Variants in ZNF704 observed in about 807,000 individuals in gnomAD.
The protein encoded by ZNF704 is glucocorticoid induced gene 1.
ZNF704 carries 10 observed loss-of-function variants against 44.7 expected under a neutral mutation model. The ratio of observed to expected loss-of-function variants is 0.22; its 90% CI spans 0.14 to 0.38. ZNF704 has a LOEUF of 0.38. Ranked by LOEUF, ZNF704 falls within the 10% of genes least tolerant of loss-of-function variation. The pLI is 1.00. For missense variants in ZNF704, 390 were observed against 545.5 expected, an observed-to-expected ratio of 0.71 and a Z score of 2.84; for synonymous variants, 211 against 207.6, an observed-to-expected ratio of 1.02 and a Z score of -0.14.
chr8:80,881,922 T>C, the ZNF704 span, among the ~76,000 whole-genome samples: 1 of 152,134 alleles, frequency 6.6e-6, no homozygotes. Flanking sequence ...ACCGAGACTC[T>C]GTCTCAAAAA....
chr8:80,754,445 T>C (rs1466723239), intron 2 of ZNF704, among the ~76,000 whole-genome samples: 1 of 152,198 alleles, frequency 6.6e-6, no homozygotes, highest in African/African-American at 2.4e-5. Flanking sequence ...TAAATTTCTT[T>C]TGAAAACCCT....
intron 1 of ZNF704, among the ~76,000 whole-genome samples, chr8:80,830,669 C>T (rs944565805): frequency 7.6e-5 from 11 of 145,246 alleles, no homozygotes; most frequent in East Asian, 2.0e-4. Flanking sequence ...GAAGGATGGA[C>T]GGAAGGAAGG....
intron 2 of ZNF704, among the ~76,000 whole-genome samples, chr8:80,714,341 T>C (rs182480959): frequency 1.7e-4 from 26 of 152,312 alleles, no homozygotes; most frequent in Admixed American, 1.7e-3. Context: ...AATGAAAAAT[T>C]CTGCACTATT....
At chr8:80,707,386 G>C (rs1006492532) in intron 2 of ZNF704, among the ~76,000 whole-genome samples, 1 of 151,864 alleles carries the variant, frequency 6.6e-6, no homozygotes. Flanking sequence ...CATAATATAT[G>C]GATTATAGGC....
At chr8:80,831,878 T>C (rs760213147) in intron 1 of ZNF704, among the ~76,000 whole-genome samples, 1 of 152,174 alleles carries the variant, frequency 6.6e-6, no homozygotes, top group Non-Finnish European at 1.5e-5. Flanking sequence ...TTCCCCCACA[T>C]TAGGATTGAT....
At chr8:80,873,406 G>C (rs571119483) in intron 1 of ZNF704, 72 of 152,540 alleles carry the variant, frequency 4.7e-4, no homozygotes, top group African/African-American at 1.7e-3. Flanking sequence ...CGCCCGCGCC[G>C]CCTGACACAC....
At chr8:80,759,054 A>T (rs1160829340) in intron 2 of ZNF704, among the ~76,000 whole-genome samples, 1 of 152,200 alleles carries the variant, frequency 6.6e-6, no homozygotes, top group Non-Finnish European at 1.5e-5. Flanking sequence ...TTCCCATCAC[A>T]TAGAAACACT....
chr8:80,812,448 G>C (rs1240461287), intron 2 of ZNF704: 1 of 153,324 alleles, frequency 6.5e-6, no homozygotes, highest in African/African-American at 2.4e-5. Context: ...GGTCGAAAGA[G>C]GTCTCCTGGG....
intron 1 of ZNF704, chr8:80,873,481 C>A (rs542039245): frequency 6.6e-6 from 1 of 151,904 alleles, no homozygotes; most frequent in South Asian, 2.1e-4. Context: ...TGCCCCGGGG[C>A]CCGGGCCCGT....
At chr8:80,649,860 G>T (rs548336096) in intron 7 of ZNF704, among the ~76,000 whole-genome samples, 1 of 152,348 alleles carries the variant, frequency 6.6e-6, no homozygotes, top group Admixed American at 6.5e-5. Context: ...CGGACAGACT[G>T]CCTCCTCAAG....
At chr8:80,862,658 G>A in intron 1 of ZNF704, among the ~76,000 whole-genome samples, 1 of 150,408 alleles carries the variant, frequency 6.6e-6, no homozygotes, top group East Asian at 1.9e-4. Context: ...CCAGCTACTT[G>A]GGAGGCTGAG....
intron 2 of ZNF704, among the ~76,000 whole-genome samples, chr8:80,700,332 C>A (rs1305254592): frequency 6.6e-6 from 1 of 152,188 alleles, no homozygotes; most frequent in Non-Finnish European, 1.5e-5. Flanking sequence ...TGACAGACTG[C>A]AGTTTAATCC....
chr8:80,724,146 A>C lies in ZNF704; in HGVS notation c.222-31039T>G, dbSNP rs192428030. 1.5e-3 allele frequency among the ~76,000 whole-genome samples: 227 copies of C among 152,250 alleles called. 1 individual carries two copies. Among genetic ancestry groups the C allele is most frequent in the African/African-American group, 5.3e-3 (219 of 41,540 alleles). Reference sequence around the variant, plus strand: ...ATCTGGTGATGCTGGGACTTTTGTGATATTTTTTCTTCTATGCAATTCAAA... The same window carrying C: ...ATCTGGTGATGCTGGGACTTTTGTGCTATTTTTTCTTCTATGCAATTCAAA... On this transcript the variant is annotated intron_variant, in intron 2 of 8. Coordinates refer to ENST00000327835, the MANE Select transcript of ZNF704 (RefSeq NM_001033723.3).
intron 1 of ZNF704, among the ~76,000 whole-genome samples, chr8:80,854,586 C>T (rs1159397384): frequency 6.6e-6 from 1 of 152,104 alleles, no homozygotes; most frequent in Non-Finnish European, 1.5e-5. Context: ...TTTATATAAA[C>T]TAAAATCAGA....
chr8:80,631,881 AAG>A lies in ZNF704; in HGVS notation c.*9483_*9484del. ...TATTTATCCCCTTGCACCTTAATTT[AAG>A]AGAGAGAAAGCAGTAGCACAGAAAC... On this transcript the variant is annotated 3_prime_UTR_variant, in exon 9 of 9. Transcript: ENST00000327835. The A allele has an allele frequency of 6.6e-6, 1 of 152,326 alleles. No homozygotes were observed. Among genetic ancestry groups the A allele is most frequent in the Non-Finnish European group, 1.5e-5 (1 of 68,040 alleles). 9.4% of individuals were successfully genotyped at this position (152,326 alleles called of 1,614,324 possible). A position where few individuals can be genotyped will look rare whatever the true frequency, so the allele number is the denominator to read the frequency against.
chr8:80,712,988 G>T (rs7000707), intron 2 of ZNF704, among the ~76,000 whole-genome samples: 10,756 of 151,174 alleles, frequency 0.071, 1,275 homozygotes, highest in African/African-American at 0.25. Flanking sequence ...GTTCACCTCC[G>T]AGGTTCAAGG....
chr8:80,733,561 G>A (rs79295982), intron 2 of ZNF704, among the ~76,000 whole-genome samples: 79 of 152,318 alleles, frequency 5.2e-4, no homozygotes, highest in African/African-American at 1.9e-3. Flanking sequence ...CCTGGCAGTA[G>A]CCAGCCATGT....
intron 2 of ZNF704, among the ~76,000 whole-genome samples, chr8:80,730,067 C>G (rs1056044868): frequency 2.0e-5 from 3 of 152,148 alleles, no homozygotes; most frequent in African/African-American, 7.2e-5. Context: ...TGGACGGAAA[C>G]AGAACACACC....
chr8:80,741,905 C>T (rs935866761), intron 2 of ZNF704, among the ~76,000 whole-genome samples: 6 of 152,102 alleles, frequency 3.9e-5, no homozygotes, highest in African/African-American at 1.4e-4. Flanking sequence ...TAGCATTCAG[C>T]TGGCAAAACT....
Sources: allele counts gnomAD v4.1 joint callset (sites outside exome capture counted in the v4.1 genomes callset), GRCh38; gene constraint gnomAD v4.1.1; transcripts MANE v1.5; gene names NCBI Gene and HGNC (gene_info 2026-07-23, HGNC 2026-07-21).